ROBO2: variants seen among roughly 807,000 people sequenced by gnomAD.
ROBO2 encodes the protein roundabout homolog 2.
In ROBO2, 53 loss-of-function variants were observed where a neutral mutation model predicts 160.8. The observed-to-expected ratio is 0.33, with a 90% CI of 0.26 to 0.41. The LOEUF (loss-of-function observed/expected upper bound fraction) is 0.41, where lower values mean the gene tolerates loss of function less well. Among genes scored for constraint, ROBO2 ranks in the 10% least tolerant of loss-of-function variants. ROBO2 has a pLI of 1.00. For missense variants in ROBO2, 1,577 were observed against 1,722.4 expected (o/e 0.92, Z 1.49); for synonymous variants, 664 against 611.7 (o/e 1.09, Z -1.26).
intron 2 of ROBO2, among the ~76,000 whole-genome samples, chr3:77,474,788 A>G (rs921254856): frequency 3.3e-5 from 5 of 152,268 alleles, no homozygotes; most frequent in Admixed American, 1.3e-4. Context: ...ACCATGGCTA[A>G]CACTTTCTTG....
intron 2 of ROBO2, among the ~76,000 whole-genome samples, chr3:76,648,854 T>C (rs2091113320): frequency 6.6e-6 from 1 of 152,128 alleles, no homozygotes; most frequent in Non-Finnish European, 1.5e-5. Flanking sequence ...AATTTGTTTA[T>C]AAAATTCAAA....
chr3:76,115,374 T>A (rs1370009701), intron 2 of ROBO2, among the ~76,000 whole-genome samples: 1 of 152,154 alleles, frequency 6.6e-6, no homozygotes. Flanking sequence ...TCTAGCATTT[T>A]AATTATGTGA....
intron 2 of ROBO2, among the ~76,000 whole-genome samples, chr3:76,870,249 T>C (rs2071883919): frequency 6.6e-6 from 1 of 152,212 alleles, no homozygotes; most frequent in Admixed American, 6.5e-5. Context: ...CCTCTTTGTC[T>C]ACATCTCCGA....
At chr3:76,976,742 A>G (rs2059835215) in intron 2 of ROBO2, among the ~76,000 whole-genome samples, 1 of 152,206 alleles carries the variant, frequency 6.6e-6, no homozygotes, top group Admixed American at 6.5e-5. Flanking sequence ...AGAATAATTA[A>G]GACATGAAAA....
At chr3:76,304,780 T>TTC (rs2071251688) in intron 2 of ROBO2, among the ~76,000 whole-genome samples, 1 of 150,940 alleles carries the variant, frequency 6.6e-6, no homozygotes, top group Admixed American at 6.6e-5. Context: ...CTTTCTTTCT[T>TTC]TCTTTCTTTC....
intron 2 of ROBO2, among the ~76,000 whole-genome samples, chr3:76,704,144 G>C (rs781687887): frequency 2.6e-4 from 39 of 152,136 alleles, no homozygotes; most frequent in Non-Finnish European, 5.3e-4. Flanking sequence ...AAGTTTCAGA[G>C]CATCATTTCT....
At chr3:76,270,511 G>A (rs889485306) in intron 2 of ROBO2, among the ~76,000 whole-genome samples, 1 of 151,970 alleles carries the variant, frequency 6.6e-6, no homozygotes, top group Admixed American at 6.6e-5. Context: ...GACCATTATC[G>A]TAGATGATAA....
intron 2 of ROBO2, among the ~76,000 whole-genome samples, chr3:77,255,959 G>A (rs774547393): frequency 2.0e-5 from 3 of 152,090 alleles, no homozygotes; most frequent in Admixed American, 6.5e-5. Context: ...GGTTACTTCC[G>A]CTTATACACC....
chr3:76,038,735 T>A (rs974179822), intron 2 of ROBO2, among the ~76,000 whole-genome samples: 8 of 151,788 alleles, frequency 5.3e-5, no homozygotes, highest in Admixed American at 3.9e-4. Flanking sequence ...TCTCCTTCCC[T>A]GGGAACCCAA....
At chr3:75,949,035 A>G (rs1020317227) in intron 2 of ROBO2, among the ~76,000 whole-genome samples, 4 of 152,226 alleles carry the variant, frequency 2.6e-5, no homozygotes, top group Admixed American at 2.6e-4. Context: ...TTACACAAAG[A>G]TCATATTTTT....
intron 2 of ROBO2, among the ~76,000 whole-genome samples, chr3:76,526,793 T>C (rs1157054001): frequency 1.3e-5 from 2 of 152,098 alleles, no homozygotes; most frequent in African/African-American, 4.8e-5. Context: ...ACATAAATTC[T>C]TTATGACACT....
chr3:77,563,376 T>G, intron 11 of ROBO2, 47 bp downstream of exon 12: 1 of 1,578,642 alleles, frequency 6.3e-7, no homozygotes, highest in Non-Finnish European at 8.7e-7. Context: ...TCTTAGCTCC[T>G]TTATTCTAAA....
At chr3:77,576,809 G>A (rs909085274) in intron 14 of ROBO2, among the ~76,000 whole-genome samples, 8 of 152,022 alleles carry the variant, frequency 5.3e-5, no homozygotes, top group South Asian at 4.1e-4. Context: ...CTTAACTTGC[G>A]GGTCAATTTA....
chr3:76,873,685 C>T (rs892505565), intron 2 of ROBO2, among the ~76,000 whole-genome samples: 5 of 152,128 alleles, frequency 3.3e-5, no homozygotes, highest in Admixed American at 6.5e-5. Flanking sequence ...CCTGCTTCAG[C>T]CTCCCAAGTA....
At chr3:76,288,623 A>C (rs2107694403) in intron 2 of ROBO2, among the ~76,000 whole-genome samples, 1 of 152,194 alleles carries the variant, frequency 6.6e-6, no homozygotes, top group Non-Finnish European at 1.5e-5. Context: ...GAGAGTTTTC[A>C]ATCTTCGCTC....
chr3:77,311,032 G>T (rs759791629), intron 2 of ROBO2, among the ~76,000 whole-genome samples: 2 of 152,062 alleles, frequency 1.3e-5, no homozygotes, highest in Non-Finnish European at 2.9e-5. Flanking sequence ...ATGAATTTTT[G>T]TGGGTAGGTT....
chr3:76,787,475 A>G (rs2063067722), intron 2 of ROBO2, among the ~76,000 whole-genome samples: 1 of 151,188 alleles, frequency 6.6e-6, no homozygotes. Context: ...GCAAGGTTTA[A>G]ATTTGTTTCT....
At chr3:76,729,995 G>T (rs186515541) in intron 2 of ROBO2, among the ~76,000 whole-genome samples, 1 of 152,188 alleles carries the variant, frequency 6.6e-6, no homozygotes, top group East Asian at 1.9e-4. Flanking sequence ...TGATAGCCTG[G>T]TGTCTGATTT....
chr3:76,192,481 T>C (rs1412243934), intron 2 of ROBO2, among the ~76,000 whole-genome samples: 1 of 149,524 alleles, frequency 6.7e-6, no homozygotes, highest in African/African-American at 2.5e-5. Context: ...ACAGAAGAAA[T>C]GAAATCTTCA....
Sources: allele counts gnomAD v4.1 joint callset (sites outside exome capture counted in the v4.1 genomes callset), GRCh38; gene constraint gnomAD v4.1.1; transcripts MANE v1.5; gene names NCBI Gene and HGNC (gene_info 2026-07-23, HGNC 2026-07-21).